The following OPCML variants were observed in gnomAD, a reference collection of about 807,000 sequenced individuals.
OPCML encodes opioid binding protein/cell adhesion molecule like, also known as opioid-binding protein/cell adhesion molecule.
Under a neutral mutation model 37.8 loss-of-function variants are expected in OPCML, and 13 were observed. The observed-to-expected ratio is 0.34, with a 90% CI of 0.22 to 0.55. The LOEUF is 0.55. Ranked by LOEUF, OPCML falls within the 20% of genes least tolerant of loss-of-function variation. The pLI is 0.91. For missense variants in OPCML, 341 were observed against 435.6 expected (o/e 0.78, Z 1.93); for synonymous variants, 176 against 168.8 (o/e 1.04, Z -0.33).
intron 2 of OPCML, among the ~76,000 whole-genome samples, chr11:132,800,742 G>C (rs1289163607): frequency 6.6e-6 from 1 of 152,034 alleles, no homozygotes; most frequent in East Asian, 1.9e-4. Flanking sequence ...TTTCATGCTT[G>C]GGACAAATTG....
intron 1 of OPCML, among the ~76,000 whole-genome samples, chr11:133,333,046 C>CTAGTAG (rs34681592): frequency 0.017 from 2,566 of 151,214 alleles, 28 homozygotes; most frequent in Non-Finnish European, 0.027. Flanking sequence ...AGTAGTAGTA[C>CTAGTAG]TAGTAGTAGT....
In OPCML at chr11:132,809,634, C is replaced by T. The variant is rs112599757; in HGVS notation, c.146+133292G>A. 7.4e-4 allele frequency among the ~76,000 whole-genome samples: 113 copies of T among 152,076 alleles called. 1 individual carries two copies. The highest frequency in any genetic ancestry group is 1.2e-3 in the Non-Finnish European group (83 of 67,984). On this transcript the variant is annotated intron_variant, in intron 2 of 7. Transcript: ENST00000524381. ...ACTGATAGCTCATTTATTTAAAATGCCATCTTAAAAAACTAAAAATTTTAA... is the reference window on the plus strand; with the variant it reads ...ACTGATAGCTCATTTATTTAAAATGTCATCTTAAAAAACTAAAAATTTTAA...
At chr11:132,582,802 A>T (rs938514368) in intron 3 of OPCML, among the ~76,000 whole-genome samples, 2 of 151,436 alleles carry the variant, frequency 1.3e-5, no homozygotes, top group African/African-American at 4.8e-5. Context: ...CATCTGCAAG[A>T]GGAAAATAAT....
chr11:133,430,495 ACTAT>A (rs1389648711), intron 1 of OPCML, among the ~76,000 whole-genome samples: 6 of 152,362 alleles, frequency 3.9e-5, no homozygotes, highest in South Asian at 2.1e-4. Context: ...TAGGTGAATA[ACTAT>A]CTAATGTTGG....
At chr11:132,921,520 A>G (rs1481806928) in intron 2 of OPCML, among the ~76,000 whole-genome samples, 1 of 152,210 alleles carries the variant, frequency 6.6e-6, no homozygotes, top group African/African-American at 2.4e-5. Flanking sequence ...ATTTCTCACT[A>G]ATAACTTGCT....
intron 1 of OPCML, chr11:133,422,006 T>C (rs534807431): frequency 2.1e-4 from 77 of 364,446 alleles, no homozygotes; most frequent in African/African-American, 1.6e-3. Flanking sequence ...CTGGGGTACA[T>C]GTGCAGAATG....
chr11:133,266,145 G>T (rs1252086627), intron 1 of OPCML, among the ~76,000 whole-genome samples: 3 of 152,124 alleles, frequency 2.0e-5, no homozygotes, highest in Non-Finnish European at 4.4e-5. Flanking sequence ...TTTTGTTAAA[G>T]AAATACACAA....
At chr11:133,274,091 C>G (rs1217549877) in intron 1 of OPCML, among the ~76,000 whole-genome samples, 3 of 152,092 alleles carry the variant, frequency 2.0e-5, no homozygotes, top group Non-Finnish European at 2.9e-5. Flanking sequence ...GAGTACACAC[C>G]TGTTTGTTCA....
At chr11:132,469,797 GGTGT>G (rs540196592) in intron 4 of OPCML, among the ~76,000 whole-genome samples, 2 of 87,622 alleles carry the variant, frequency 2.3e-5, no homozygotes, top group Admixed American at 1.6e-4. Flanking sequence ...TGTGTGGAGG[GGTGT>G]GTGTGTGTTT....
chr11:133,507,742 C>T (rs1439266937), intron 1 of OPCML, among the ~76,000 whole-genome samples: 2 of 152,020 alleles, frequency 1.3e-5, no homozygotes, highest in Admixed American at 6.6e-5. Context: ...GTCAGGAGTG[C>T]AATACCAGCC....
At chr11:132,597,420 G>A (rs1591602987) in intron 3 of OPCML, among the ~76,000 whole-genome samples, 1 of 152,138 alleles carries the variant, frequency 6.6e-6, no homozygotes, top group Non-Finnish European at 1.5e-5. Context: ...TGCTTGCCCC[G>A]TGATGATTCT....
intron 1 of OPCML, among the ~76,000 whole-genome samples, chr11:132,965,216 G>C (rs532815307): frequency 1.3e-5 from 2 of 152,256 alleles, no homozygotes; most frequent in East Asian, 3.9e-4. Flanking sequence ...AATAAGTACC[G>C]AAGTGTTCCC....
At chr11:133,210,191 G>A (rs989129104) in intron 1 of OPCML, among the ~76,000 whole-genome samples, 5 of 152,150 alleles carry the variant, frequency 3.3e-5, no homozygotes, top group East Asian at 3.9e-4. Context: ...ATTTCCAAGC[G>A]TCTGGGGGAT....
chr11:132,921,834 C>T (rs1944815379), intron 2 of OPCML, among the ~76,000 whole-genome samples: 1 of 152,102 alleles, frequency 6.6e-6, no homozygotes, highest in Non-Finnish European at 1.5e-5. Context: ...CTGGAACTGC[C>T]TCGCTCTAGC....
At chr11:132,548,600 G>C (rs987551150) in intron 3 of OPCML, among the ~76,000 whole-genome samples, 1 of 152,198 alleles carries the variant, frequency 6.6e-6, no homozygotes. Context: ...CAGAGCCAGC[G>C]AGGAATAAGC....
chr11:132,681,430 G>A (rs546986188), intron 2 of OPCML, among the ~76,000 whole-genome samples: 1 of 152,142 alleles, frequency 6.6e-6, no homozygotes, highest in Non-Finnish European at 1.5e-5. Context: ...AAGCAGCTTG[G>A]CTTCATGGGG....
At chr11:133,476,488 C>T (rs903783247) in intron 1 of OPCML, among the ~76,000 whole-genome samples, 5 of 151,934 alleles carry the variant, frequency 3.3e-5, no homozygotes, top group African/African-American at 1.2e-4. Context: ...AAATATTTTC[C>T]CTGTGTAGCA....
At chr11:132,455,680 A>G (rs970962745) in intron 4 of OPCML, among the ~76,000 whole-genome samples, 1 of 152,212 alleles carries the variant, frequency 6.6e-6, no homozygotes, top group Non-Finnish European at 1.5e-5. Flanking sequence ...CAGACTCAAA[A>G]GCAGTTCTCT....
chr11:133,072,507 G>C (rs886530615), intron 1 of OPCML, among the ~76,000 whole-genome samples: 1 of 152,180 alleles, frequency 6.6e-6, no homozygotes, highest in Non-Finnish European at 1.5e-5. Flanking sequence ...ATACATGTGG[G>C]ATAACACCCA....
Sources: allele counts gnomAD v4.1 joint callset (sites outside exome capture counted in the v4.1 genomes callset), GRCh38; gene constraint gnomAD v4.1.1; transcripts MANE v1.5; gene names NCBI Gene and HGNC (gene_info 2026-07-23, HGNC 2026-07-21).